PSG6: variants seen among roughly 807,000 people sequenced by gnomAD.
PSG6 encodes the protein pregnancy-specific beta-1-glycoprotein 6.
In PSG6, 51 loss-of-function variants were observed where a neutral mutation model predicts 43.3. The ratio of observed to expected loss-of-function variants is 1.18; its 90% CI spans 0.94 to 1.49. The LOEUF is 1.49. PSG6 is among the 40% of genes most tolerant of loss of function. The pLI, the probability that PSG6 is intolerant of heterozygous loss-of-function variation, is 0.00. For synonymous variants in PSG6, 292 were observed against 197.6 expected (o/e 1.48, Z -4.01); for missense variants, 770 against 522.2 (o/e 1.47, Z -4.62).
At position 42,902,176 on chromosome 19, in the gene PSG6, C is replaced by G. The variant is rs1324915485; in HGVS notation, c.*236G>C. The G allele has an allele frequency of 4.1e-6, 2 of 491,950 alleles. No homozygotes were observed. Among genetic ancestry groups the G allele is most frequent in the Admixed American group, 3.4e-5 (1 of 29,116 alleles). 30.5% of individuals were successfully genotyped at this position (491,950 alleles called of 1,614,324 possible). ...GGGGCACTCAGATAGAGAGCAAAAG[C>G]AAATGTTTCAATTTTTGTTTACAAA... On this transcript the variant is annotated 3_prime_UTR_variant, in exon 6 of 6. Transcript: ENST00000187910.
intron 2 of PSG6, among the ~76,000 whole-genome samples, chr19:42,912,483 T>G (rs980892401): frequency 1.3e-5 from 2 of 151,786 alleles, no homozygotes; most frequent in African/African-American, 4.8e-5. Context: ...AAAGGTGATT[T>G]GAAATTAGCA....
Position 42,916,490 on chromosome 19 carries a change from A to C in PSG6, c.65-3T>G. Reference sequence around the variant, plus strand: ...GTTCCAGAAGTTTAAAAGTGATGCTAGGAGGTAGAGACAGCATCAGTTAAT... The same window carrying C: ...GTTCCAGAAGTTTAAAAGTGATGCTCGGAGGTAGAGACAGCATCAGTTAAT... On this transcript the variant is annotated splice_polypyrimidine_tract_variant and splice_region_variant and intron_variant, in intron 1 of 5. Transcript: ENST00000187910. The C allele has an allele frequency of 1.9e-6, 3 of 1,607,634 alleles. No individual in the cohort carries two copies. The highest frequency in any genetic ancestry group is 2.5e-6 in the Non-Finnish European group (3 of 1,176,918).
chr19:42,904,481 T>C (rs1424673324), intron 5 of PSG6, among the ~76,000 whole-genome samples: 1 of 151,640 alleles, frequency 6.6e-6, no homozygotes, highest in Non-Finnish European at 1.5e-5. Flanking sequence ...TCAGTTGTAT[T>C]TCAATACACT....
At chr19:42,908,494 A>C (rs967306344) in intron 3 of PSG6, among the ~76,000 whole-genome samples, 1 of 151,674 alleles carries the variant, frequency 6.6e-6, no homozygotes, top group African/African-American at 2.4e-5. Flanking sequence ...GTGACCTCTA[A>C]AGATAGAGCA....
At chr19:42,915,996 G>A in intron 2 of PSG6, 129 bp downstream of exon 2, 3 of 1,495,184 alleles carry the variant, frequency 2.0e-6, no homozygotes, top group Non-Finnish European at 2.7e-6. Context: ...TGCACTAAAT[G>A]CCCAAACCCC....
intron 3 of PSG6, 127 bp downstream of exon 3, chr19:42,910,453 T>C (rs751163501): frequency 1.9e-5 from 30 of 1,607,970 alleles, no homozygotes; most frequent in Non-Finnish European, 2.3e-5. Context: ...CAGAAAGTCA[T>C]GGCCAGCTTT....
At chr19:42,910,894 G>A (rs532660937) in intron 2 of PSG6, 36 bp from the exon 3 acceptor site, 4 of 1,570,664 alleles carry the variant, frequency 2.5e-6, no homozygotes, top group Non-Finnish European at 3.5e-6. Flanking sequence ...GCCCTGTGTG[G>A]CACCTTTGAT....
chr19:42,903,804 A>C, intron 5 of PSG6: 1 of 1,438,118 alleles, frequency 7.0e-7, no homozygotes. Context: ...GAAGAAGGAG[A>C]ATTGCTTGAG....
Position 42,902,411 on chromosome 19 carries a change from A to T in PSG6, c.*1T>A, listed in dbSNP as rs1287371786. The T allele has an allele frequency of 1.9e-6, 3 of 1,611,114 alleles. No individual in the cohort carries two copies. Among genetic ancestry groups the T allele is most frequent in the Non-Finnish European group, 2.5e-6 (3 of 1,178,286 alleles). On this transcript the variant is annotated 3_prime_UTR_variant, in exon 6 of 6. Coordinates refer to ENST00000187910, the MANE Select transcript of PSG6 (RefSeq NM_001031850.4). ...TCTCAGTGTCTCTATTGTGGCAGCCATTAATGAGACTCTGTCTGGTTTCCA... is the reference window on the plus strand; with the variant it reads ...TCTCAGTGTCTCTATTGTGGCAGCCTTTAATGAGACTCTGTCTGGTTTCCA...
At chr19:42,915,969 C>T (rs1972317331) in intron 2 of PSG6, 156 bp downstream of exon 2, 8 of 1,268,604 alleles carry the variant, frequency 6.3e-6, no homozygotes, top group Admixed American at 4.2e-5. Context: ...TGAAATGTGT[C>T]TCCTCTGTGT....
Position 42,902,364 on chromosome 19 carries a change from G to T in PSG6, c.*48C>A. 1 of 1,590,860 alleles carries T rather than the reference G, an allele frequency of 6.3e-7. No homozygotes were observed. Among genetic ancestry groups the T allele is most frequent in the Non-Finnish European group, 8.6e-7 (1 of 1,166,128 alleles). ...TTTTCTTCTTTGTCTTGAATTTCAT[G>T]AAGGTATCAACCTGTTCTTTTTCTC... On this transcript the variant is annotated 3_prime_UTR_variant, in exon 6 of 6. Coordinates refer to ENST00000187910, the MANE Select transcript of PSG6 (RefSeq NM_001031850.4).
At chr19:42,909,260 A>G (rs1274303853) in intron 3 of PSG6, among the ~76,000 whole-genome samples, 1 of 151,428 alleles carries the variant, frequency 6.6e-6, no homozygotes, top group Non-Finnish European at 1.5e-5. Context: ...GGTGAATTCC[A>G]TAGTGGCCAT....
chr19:42,902,690 G>T (rs1449996990), intron 5 of PSG6, among the ~76,000 whole-genome samples: 1 of 151,356 alleles, frequency 6.6e-6, no homozygotes, highest in Non-Finnish European at 1.5e-5. Flanking sequence ...CTGCATAGCG[G>T]TCTGTGGGTT....
At chr19:42,905,029 G>A (rs1972090333) in intron 5 of PSG6, among the ~76,000 whole-genome samples, 1 of 151,586 alleles carries the variant, frequency 6.6e-6, no homozygotes, top group Non-Finnish European at 1.5e-5. Flanking sequence ...TCGTTCAATG[G>A]GGAAGGGACA....
At chr19:42,916,566 G>C (rs1326718782) in intron 1 of PSG6, 79 bp from the exon 2 acceptor site, 2 of 1,517,986 alleles carry the variant, frequency 1.3e-6, no homozygotes, top group Admixed American at 2.0e-5. Flanking sequence ...GTCCTGAGAA[G>C]GTCTCTTCAA....
At chr19:42,911,905 C>G (rs910944209) in intron 2 of PSG6, among the ~76,000 whole-genome samples, 8 of 151,448 alleles carry the variant, frequency 5.3e-5, no homozygotes, top group Admixed American at 5.3e-4. Context: ...ACTGAAATCA[C>G]GGGTATAGGG....
chr19:42,902,301 T>A lies in PSG6; in HGVS notation c.*111A>T. On this transcript the variant is annotated 3_prime_UTR_variant, in exon 6 of 6. Transcript: ENST00000187910. ...TTTCCAATAAAAAATTATGAAAACA[T>A]TATCCTTTTGATTATTTAGTCCAAT... 7.8e-7 allele frequency: 1 copy of A among 1,287,658 alleles called. No homozygotes were observed. The highest frequency in any genetic ancestry group is 1.6e-5 in the South Asian group (1 of 62,702). The allele number at this position is 1,287,658 out of a possible 1,614,324, so 79.8% of individuals were successfully genotyped here. A position where few individuals can be genotyped will look rare whatever the true frequency, so the allele number is the denominator to read the frequency against.
At chr19:42,908,540 C>T (rs1304630249) in intron 3 of PSG6, among the ~76,000 whole-genome samples, 1 of 151,712 alleles carries the variant, frequency 6.6e-6, no homozygotes, top group East Asian at 1.9e-4. Flanking sequence ...GTGAAGGGGA[C>T]AGGCAAGAGC....
At position 42,910,860 on chromosome 19, in the gene PSG6, T is replaced by G; in HGVS notation, c.428-2A>C. Reference sequence around the variant, plus strand: ...AGATGGAGGGCTTGGGAGTCTCCGCTGTGCAGAAAACAGAGAGAAGATTGC... The same window carrying G: ...AGATGGAGGGCTTGGGAGTCTCCGCGGTGCAGAAAACAGAGAGAAGATTGC... On this transcript the variant is annotated splice_acceptor_variant, in intron 2 of 5. Transcript: ENST00000187910. LOFTEE classifies it high-confidence loss of function. The G allele has an allele frequency of 6.2e-7, 1 of 1,603,716 alleles. No individual in the cohort carries two copies. The highest frequency in any genetic ancestry group is 8.5e-7 in the Non-Finnish European group (1 of 1,174,678).
Sources: allele counts gnomAD v4.1 joint callset (sites outside exome capture counted in the v4.1 genomes callset), GRCh38; gene constraint gnomAD v4.1.1; transcripts MANE v1.5; gene names NCBI Gene and HGNC (gene_info 2026-07-23, HGNC 2026-07-21).